Variants in SLC22A23 observed in about 807,000 individuals in gnomAD.
SLC22A23 encodes the protein ion transporter protein.
In SLC22A23, 26 loss-of-function variants were observed where a neutral mutation model predicts 61.0. The observed-to-expected ratio is 0.43, with a 90% CI of 0.31 to 0.59. The LOEUF (loss-of-function observed/expected upper bound fraction) is 0.59, where lower values mean the gene tolerates loss of function less well. Ranked by LOEUF, SLC22A23 falls within the 20% of genes least tolerant of loss-of-function variation. SLC22A23 has a pLI of 0.11. For synonymous variants in SLC22A23, 430 were observed against 413.9 expected (o/e 1.04, Z -0.47); for missense variants, 796 against 934.7 (o/e 0.85, Z 1.94).
intron 3 of SLC22A23, among the ~76,000 whole-genome samples, chr6:3,349,141 C>A (rs1057479241): frequency 4.6e-5 from 7 of 152,236 alleles, no homozygotes; most frequent in Non-Finnish European, 7.3e-5. Context: ...GTGCTTCCCA[C>A]TGGGGCCAAC....
At chr6:3,314,008 A>T (rs1228356451) in intron 4 of SLC22A23, among the ~76,000 whole-genome samples, 1 of 152,204 alleles carries the variant, frequency 6.6e-6, no homozygotes, top group South Asian at 2.1e-4. Context: ...CAGCCTGCGC[A>T]ATAAGAGCAG....
chr6:3,291,272 C>A (rs1760564759), intron 5 of SLC22A23: 1 of 152,198 alleles, frequency 6.6e-6, no homozygotes, highest in East Asian at 1.9e-4. Flanking sequence ...TCAAGTTCAA[C>A]CCTCCTCTTC....
At chr6:3,287,123 G>A (rs761137126) in intron 6 of SLC22A23, 32 bp from the exon 7 acceptor site, 1 of 1,602,674 alleles carries the variant, frequency 6.2e-7, no homozygotes, top group South Asian at 1.1e-5. Flanking sequence ...CAGTGGGTGG[G>A]CTGCCCCCAT....
chr6:3,298,986 A>T (rs1314200575), intron 4 of SLC22A23, among the ~76,000 whole-genome samples: 1 of 151,788 alleles, frequency 6.6e-6, no homozygotes, highest in Non-Finnish European at 1.5e-5. Flanking sequence ...CTCAAAAAAA[A>T]AAAAAAAAAA....
At chr6:3,280,490 C>T (rs1391588257) in intron 9 of SLC22A23, among the ~76,000 whole-genome samples, 2 of 57,288 alleles carry the variant, frequency 3.5e-5, no homozygotes, top group Admixed American at 2.4e-4. Context: ...TAAGACACAA[C>T]TTTTTTTTTT....
At chr6:3,280,596 C>T (rs1225277572) in intron 9 of SLC22A23, among the ~76,000 whole-genome samples, 4 of 144,084 alleles carry the variant, frequency 2.8e-5, no homozygotes, top group African/African-American at 7.6e-5. Context: ...CCTGGGTTCA[C>T]GCCATTCTCC....
intron 1 of SLC22A23, among the ~76,000 whole-genome samples, chr6:3,422,192 GAATTTAGAGA>G (rs1770185558): frequency 6.6e-6 from 1 of 152,178 alleles, no homozygotes; most frequent in African/African-American, 2.4e-5. Flanking sequence ...TGGGTCGCAG[GAATTTAGAGA>G]AATGTAGGGT....
intron 3 of SLC22A23, among the ~76,000 whole-genome samples, chr6:3,340,117 G>A (rs1341412792): frequency 1.3e-5 from 2 of 152,134 alleles, no homozygotes; most frequent in Admixed American, 6.5e-5. Context: ...CCACAAAAGC[G>A]GTATTATCCA....
intron 1 of SLC22A23, among the ~76,000 whole-genome samples, chr6:3,440,503 C>T (rs1391424610): frequency 2.0e-5 from 3 of 151,700 alleles, no homozygotes; most frequent in East Asian, 1.9e-4. Flanking sequence ...GTCAGGAGTT[C>T]GAGACCAGCC....
rs73354738 is a variant in SLC22A23 at position 3,322,715 on chromosome 6, G to A, written c.1082+1119C>T. On this transcript the variant is annotated intron_variant, in intron 4 of 9. Coordinates refer to ENST00000406686, the MANE Select transcript of SLC22A23 (RefSeq NM_015482.2). This position sits in a 1 kb window ranked among gnomAD's most constrained non-coding sequence, Gnocchi z 4.1. ...GTACATCTACTACCAGGGCAGGGGC[G>A]GGGGGCAGTACCACTAAGCCAAAAG... Among the ~76,000 whole-genome samples, 7,527 of 152,212 alleles carry A rather than the reference G, an allele frequency of 0.049. 232 individuals carry two copies. The highest frequency in any genetic ancestry group is 0.078 in the Middle Eastern group (23 of 294).
Position 3,447,602 on chromosome 6 carries a change from T to G in SLC22A23, c.654+8304A>C, listed in dbSNP as rs1052811083. 4.0e-5 allele frequency among the ~76,000 whole-genome samples: 6 copies of G among 149,202 alleles called. No homozygotes were observed. The South Asian group carries it at 1.1e-3, about 27-fold the overall frequency. Reference sequence around the variant, plus strand: ...AACTTTCTTTTTTTTTTTTTTTTTTTGTCTGAGACAGAGTCTTGCTCTGTT... The same window carrying G: ...AACTTTCTTTTTTTTTTTTTTTTTTGGTCTGAGACAGAGTCTTGCTCTGTT... On this transcript the variant is annotated intron_variant, in intron 1 of 9. Transcript: ENST00000406686.
At chr6:3,420,610 C>T (rs572456736) in intron 1 of SLC22A23, among the ~76,000 whole-genome samples, 17 of 152,268 alleles carry the variant, frequency 1.1e-4, no homozygotes, top group Non-Finnish European at 1.8e-4. Flanking sequence ...CTAATGATTA[C>T]TACTTTACTA....
At chr6:3,405,687 T>C (rs1467621539) in intron 3 of SLC22A23, among the ~76,000 whole-genome samples, 1 of 151,830 alleles carries the variant, frequency 6.6e-6, no homozygotes, top group Non-Finnish European at 1.5e-5. Context: ...CTGAAATAAG[T>C]TGCAAGGAAT....
intron 3 of SLC22A23, among the ~76,000 whole-genome samples, chr6:3,358,119 T>C (rs1488537070): frequency 6.6e-6 from 1 of 152,144 alleles, no homozygotes; most frequent in Non-Finnish European, 1.5e-5. Flanking sequence ...ACACTGTTGG[T>C]AGGGATGCAA....
At chr6:3,421,821 G>GT (rs1437600623) in intron 1 of SLC22A23, among the ~76,000 whole-genome samples, 2 of 152,132 alleles carry the variant, frequency 1.3e-5, no homozygotes, top group African/African-American at 4.8e-5. Flanking sequence ...TCGGAAACAC[G>GT]TATTTTAAGA....
intron 3 of SLC22A23, chr6:3,377,953 G>A (rs1766687380): frequency 6.6e-6 from 1 of 152,260 alleles, no homozygotes; most frequent in Non-Finnish European, 1.5e-5. Context: ...GCCAGCCTGA[G>A]GATGTTGCTG....
At position 3,454,387 on chromosome 6, in the gene SLC22A23, A is replaced by G. The variant is rs1772292554; in HGVS notation, c.654+1519T>C. The stretch of plus-strand genomic sequence containing the variant: ...CACTCTATCCCATCTCATCACTTTC[A>G]AGTTCACCTCTACTTTGACCCCAGG... On this transcript the variant is annotated intron_variant, in intron 1 of 9. Transcript: ENST00000406686. This position sits in a 1 kb window ranked among gnomAD's most constrained non-coding sequence, Gnocchi z 4.3. Among the ~76,000 whole-genome samples the G allele has an allele frequency of 1.3e-5, 2 of 152,142 alleles. No individual in the cohort carries two copies. Among genetic ancestry groups the G allele is most frequent in the Admixed American group, 1.3e-4 (2 of 15,282 alleles).
At chr6:3,413,207 T>C (rs1391721100) in intron 2 of SLC22A23, among the ~76,000 whole-genome samples, 1 of 152,172 alleles carries the variant, frequency 6.6e-6, no homozygotes, top group Non-Finnish European at 1.5e-5. Context: ...ACCTTGCGGC[T>C]CTCGACAGCA....
At chr6:3,352,645 T>A (rs1430342120) in intron 3 of SLC22A23, among the ~76,000 whole-genome samples, 1 of 152,174 alleles carries the variant, frequency 6.6e-6, no homozygotes, top group Admixed American at 6.5e-5. Context: ...CTCACCTGAA[T>A]CATGGAAAAT....
Sources: gnomAD v4.1 joint callset for allele counts (sites outside exome capture counted in the v4.1 genomes callset) on GRCh38, gnomAD v4.1.1 for gene constraint, Gnocchi (gnomAD v3.1) non-coding constraint, MANE v1.5 for transcripts, NCBI Gene and HGNC (gene_info 2026-07-23, HGNC 2026-07-21) for gene names.